Variants in SCN3A observed in about 807,000 individuals in gnomAD.
SCN3A encodes the protein sodium channel protein type 3 subunit alpha.
Under a neutral mutation model 187.6 loss-of-function variants are expected in SCN3A, and 60 were observed. The observed-to-expected ratio is 0.32, with a 90% CI of 0.26 to 0.40. SCN3A has a LOEUF of 0.40. Among genes scored for constraint, SCN3A ranks in the 10% least tolerant of loss-of-function variants. The probability of loss-of-function intolerance (pLI) is 1.00; values close to 1 mark genes in which losing one functional copy is unlikely to be tolerated. For missense variants in SCN3A, 1,601 were observed against 2,428.2 expected (o/e 0.66, Z 7.16); for synonymous variants, 788 against 829.2 (o/e 0.95, Z 0.85).
At chr2:165,202,423 G>C (rs1057098147) in intron 1 of SCN3A, among the ~76,000 whole-genome samples, 6 of 152,130 alleles carry the variant, frequency 3.9e-5, no homozygotes, top group Admixed American at 2.6e-4. Context: ...CTGTAGAGAA[G>C]CATGGTGTGT....
At chr2:165,149,830 T>G (rs1688590161) in intron 11 of SCN3A, among the ~76,000 whole-genome samples, 1 of 152,218 alleles carries the variant, frequency 6.6e-6, no homozygotes, top group South Asian at 2.1e-4. Flanking sequence ...TTACATTTTC[T>G]TATAACATTT....
chr2:165,108,623 G>A (rs1685970664), intron 21 of SCN3A, among the ~76,000 whole-genome samples: 1 of 152,110 alleles, frequency 6.6e-6, no homozygotes, highest in South Asian at 2.1e-4. Context: ...TTTTCTCAGA[G>A]ATGACTGCAA....
chr2:165,098,133 A>G (rs998552982), intron 22 of SCN3A, among the ~76,000 whole-genome samples: 11 of 152,180 alleles, frequency 7.2e-5, no homozygotes, highest in African/African-American at 2.7e-4. Context: ...ATAAGTTCCC[A>G]TTATTATTAC....
chr2:165,133,404 G>A (rs1363872642), intron 15 of SCN3A, among the ~76,000 whole-genome samples: 6 of 151,912 alleles, frequency 3.9e-5, no homozygotes, highest in Non-Finnish European at 8.8e-5. Context: ...GCCCAGATTG[G>A]AGTAGAGTGG....
At chr2:165,107,909 AAC>A (rs1323493129) in intron 21 of SCN3A, among the ~76,000 whole-genome samples, 1 of 152,230 alleles carries the variant, frequency 6.6e-6, no homozygotes, top group Non-Finnish European at 1.5e-5. Context: ...AGGGGTTAGA[AAC>A]ACAGTCATTA....
At chr2:165,174,111 A>G (rs1690294331) in intron 3 of SCN3A, among the ~76,000 whole-genome samples, 2 of 152,196 alleles carry the variant, frequency 1.3e-5, no homozygotes, top group African/African-American at 4.8e-5. Context: ...TAGCACAATC[A>G]TAGCTCACTG....
intron 1 of SCN3A, among the ~76,000 whole-genome samples, chr2:165,189,097 TC>T (rs1691434384): frequency 6.6e-6 from 1 of 152,134 alleles, no homozygotes; most frequent in South Asian, 2.1e-4. Context: ...GCATATTGGA[TC>T]ACATGAATTT....
chr2:165,139,459 C>T lies in SCN3A; in HGVS notation c.2152+17G>A, dbSNP rs1361316451. On this transcript the variant is annotated intron_variant, in intron 14 of 27. Transcript: ENST00000283254. The stretch of plus-strand genomic sequence containing the variant: ...CATAATCACAGAAAGTTGGCTGTTC[C>T]ATGACCTGCTTCTTACCTTCCATTG... 3.7e-6 allele frequency: 6 copies of T among 1,613,734 alleles called. No homozygotes were observed. In the Admixed American group the frequency reaches 5.0e-5, roughly 13 times the overall value.
Position 165,140,744 on chromosome 2 carries a change from C to T in SCN3A, c.1926G>A (p.Gly642=). 6.2e-7 allele frequency: 1 copy of T among 1,614,028 alleles called. No homozygotes were observed. The highest frequency in any genetic ancestry group is 8.5e-7 in the Non-Finnish European group (1 of 1,179,970). The change falls in exon 13 of 28, where the codon GGG becomes GGA. Residue 642 remains glycine (G), a synonymous_variant. Transcript: ENST00000283254. This position sits in a 1 kb window ranked among gnomAD's most constrained non-coding sequence, Gnocchi z 4.2. ...TGCAATCCACAGTGCTGTGCATCTT[C>T]CCATTTGCTGGAAGCCCTGGCACCA... ...SRMVPGLPAN[G]KMHSTVDCNG...
chr2:165,184,907 A>G (rs139139254), intron 2 of SCN3A, among the ~76,000 whole-genome samples: 117 of 152,334 alleles, frequency 7.7e-4, no homozygotes, highest in African/African-American at 2.6e-3. Flanking sequence ...CAAGGGTATC[A>G]CTACGTTATA....
At chr2:165,127,059 G>A (rs955133571) in intron 18 of SCN3A, among the ~76,000 whole-genome samples, 2 of 151,972 alleles carry the variant, frequency 1.3e-5, no homozygotes, top group Non-Finnish European at 2.9e-5. Context: ...TCTCTTTTTT[G>A]GAAGGCTACT....
intron 2 of SCN3A, among the ~76,000 whole-genome samples, chr2:165,180,403 A>G (rs961522976): frequency 6.6e-6 from 1 of 152,200 alleles, no homozygotes; most frequent in African/African-American, 2.4e-5. Context: ...AAAAGTATCA[A>G]TATGTTCATC....
rs199647328 is a variant in SCN3A at position 165,146,881 on chromosome 2, T to C, written c.1529A>G (p.Glu510Gly). Residue 510 changes from glutamate (E) to glycine (G), a missense_variant, in exon 12 of 28, where the codon GAG becomes GGG. By Grantham distance (98) the Glu-to-Gly change is moderately conservative. This residue lies in a region of SCN3A where 376 missense variants were observed against 476.0 expected (regional missense o/e 0.79). Coordinates refer to ENST00000283254, the MANE Select transcript of SCN3A (RefSeq NM_006922.4). ...TCCTTTGTTGTTTCCTTCAAGGTGCTCTCTCTGTCTTCTTTTCTTCCTTCG... is the reference window on the plus strand; with the variant it reads ...TCCTTTGTTGTTTCCTTCAAGGTGCCCTCTCTGTCTTCTTTTCTTCCTTCG... ...RNRRKKRRQR[E>G]HLEGNNKGER... 1.2e-6 allele frequency: 2 copies of C among 1,614,096 alleles called. No homozygotes were observed. The highest frequency in any genetic ancestry group is 1.7e-6 in the Non-Finnish European group (2 of 1,179,986).
chr2:165,111,238 G>A (rs1186642051), intron 21 of SCN3A, among the ~76,000 whole-genome samples: 1 of 152,116 alleles, frequency 6.6e-6, no homozygotes, highest in Non-Finnish European at 1.5e-5. Flanking sequence ...GAGAGGCTGA[G>A]GCAGGAGAAT....
chr2:165,193,091 C>T lies in SCN3A; in HGVS notation c.-247-6344G>A, dbSNP rs1311134231. 2.0e-5 allele frequency among the ~76,000 whole-genome samples: 3 copies of T among 152,222 alleles called. No individual in the cohort carries two copies. In the East Asian group the frequency reaches 5.8e-4, roughly 29 times the overall value. On this transcript the variant is annotated intron_variant, in intron 1 of 27. Transcript: ENST00000283254. Reference sequence around the variant, plus strand: ...AATCTAGAACATTTAAAATTACATACATGGGACTCATTATATTTCTAACGC... The same window carrying T: ...AATCTAGAACATTTAAAATTACATATATGGGACTCATTATATTTCTAACGC...
At chr2:165,149,218 C>T (rs1026256497) in intron 11 of SCN3A, among the ~76,000 whole-genome samples, 7 of 151,264 alleles carry the variant, frequency 4.6e-5, no homozygotes, top group Admixed American at 1.3e-4. Flanking sequence ...CTCTGTCGCC[C>T]AGGCTGGAGT....
intron 12 of SCN3A, among the ~76,000 whole-genome samples, chr2:165,142,972 G>A (rs964827185): frequency 6.6e-6 from 1 of 151,968 alleles, no homozygotes; most frequent in East Asian, 1.9e-4. Context: ...AGCTGGCCTC[G>A]AACTCCCAAC....
In SCN3A at chr2:165,146,937, C is replaced by T; in HGVS notation, c.1473G>A (p.Leu491=). The T allele has an allele frequency of 6.2e-6, 10 of 1,614,032 alleles. No individual in the cohort carries two copies. The highest frequency in any genetic ancestry group is 8.5e-6 in the Non-Finnish European group (10 of 1,179,934). The change falls in exon 12 of 28, where the codon TTG becomes TTA. Residue 491 remains leucine (L), a synonymous_variant. Transcript: ENST00000283254. ...LLESSSEASK[L]SSKSAKEWRN... ...TCCATTCTTTAGCACTTTTGGAACT[C>T]AACTTTGATGCTTCTGAAGAACTTT...
chr2:165,168,591 A>T (rs1243497483), intron 5 of SCN3A, 145 bp downstream of exon 5: 1 of 682,694 alleles, frequency 1.5e-6, no homozygotes, highest in Non-Finnish European at 2.7e-6. Flanking sequence ...AGCTCCCCCA[A>T]AGAACTTCCC....
Sources: gnomAD v4.1 joint callset for allele counts (sites outside exome capture counted in the v4.1 genomes callset) on GRCh38, gnomAD v4.1.1 for gene constraint, gnomAD v4.1.1 regional missense constraint, Gnocchi (gnomAD v3.1) non-coding constraint, MANE v1.5 for transcripts, NCBI Gene and HGNC (gene_info 2026-07-23, HGNC 2026-07-21) for gene names.